AGFG2: variants seen among roughly 807,000 people sequenced by gnomAD.
The protein encoded by AGFG2 is ArfGAP with FG repeats 2.
In AGFG2, 31 loss-of-function variants were observed where a neutral mutation model predicts 48.0. The observed-to-expected ratio is 0.65, with a 90% CI of 0.49 to 0.87. AGFG2 has a LOEUF of 0.87. Among genes scored for constraint, AGFG2 ranks in the 40% least tolerant of loss-of-function variants. The pLI is 0.00. For missense variants in AGFG2, 599 were observed against 632.6 expected, an observed-to-expected ratio of 0.95 and a Z score of 0.57; for synonymous variants, 229 against 260.8, an observed-to-expected ratio of 0.88 and a Z score of 1.18.
At chr7:100,541,501 C>CGGT (rs1438652864) in intron 1 of AGFG2, among the ~76,000 whole-genome samples, 1 of 151,900 alleles carries the variant, frequency 6.6e-6, no homozygotes, top group Non-Finnish European at 1.5e-5. Flanking sequence ...GGGTCGGGCT[C>CGGT]GGTGGCTCAG....
chr7:100,565,093 A>T lies in AGFG2; in HGVS notation c.*102A>T. 7.5e-7 allele frequency: 1 copy of T among 1,329,448 alleles called. No homozygotes were observed. 82.4% of individuals were successfully genotyped at this position (1,329,448 alleles called of 1,614,324 possible). A position where few individuals can be genotyped will look rare whatever the true frequency, so the allele number is the denominator to read the frequency against. ...GTGGGCATTTCTATGGGCCTTGGGGATGGTGGAGGTGCTAATGCTTTGCTT... is the reference window on the plus strand; with the variant it reads ...GTGGGCATTTCTATGGGCCTTGGGGTTGGTGGAGGTGCTAATGCTTTGCTT... On this transcript the variant is annotated 3_prime_UTR_variant, in exon 12 of 12. Coordinates refer to ENST00000300176, the MANE Select transcript of AGFG2 (RefSeq NM_006076.5).
intron 4 of AGFG2, 90 bp from the exon 5 acceptor site, chr7:100,554,003 C>T: frequency 6.8e-7 from 1 of 1,469,724 alleles, no homozygotes. Flanking sequence ...CTCTCTCTAC[C>T]TGCCTATCTG....
At chr7:100,546,764 A>T (rs771849438) in intron 1 of AGFG2, among the ~76,000 whole-genome samples, 2 of 152,202 alleles carry the variant, frequency 1.3e-5, no homozygotes, top group Non-Finnish European at 2.9e-5. Context: ...GTCTAAAAGC[A>T]GGCTGGCTAG....
chr7:100,560,978 ATTT>A (rs1167654964), intron 6 of AGFG2, among the ~76,000 whole-genome samples: 2 of 135,722 alleles, frequency 1.5e-5, no homozygotes, highest in Non-Finnish European at 1.6e-5. Context: ...TGCCTGGCTA[ATTT>A]TTTTTTTTTT....
intron 1 of AGFG2, among the ~76,000 whole-genome samples, chr7:100,547,204 G>A (rs1800529199): frequency 7.5e-6 from 1 of 134,182 alleles, no homozygotes; most frequent in Non-Finnish European, 1.5e-5. Context: ...ACACCTCGCT[G>A]CTGTTCTCCC....
intron 5 of AGFG2, among the ~76,000 whole-genome samples, chr7:100,555,262 G>GTTTTTT: frequency 7.8e-6 from 1 of 127,884 alleles, no homozygotes. Context: ...GTGTGTGTGT[G>GTTTTTT]GTTTTTTTTT....
At chr7:100,553,256 A>AT (rs1800685748) in intron 3 of AGFG2, 91 bp from the exon 4 acceptor site, 25 of 1,494,276 alleles carry the variant, frequency 1.7e-5, no homozygotes, top group Non-Finnish European at 2.3e-5. Context: ...ATGAGCATAG[A>AT]TTTTGACTCC....
chr7:100,548,880 C>T lies in AGFG2; in HGVS notation c.280C>T (p.Pro94Ser), dbSNP rs184828001. Residue 94 changes from proline to serine, a missense_variant, in exon 2 of 12, where the codon CCT becomes TCT. Coordinates refer to ENST00000300176, the MANE Select transcript of AGFG2 (RefSeq NM_006076.5). ...AATCTCCATGACAACTTTCACTGAG[C>T]CTGAAGTAGTATTCCTGCAATCCCG... is the stretch of plus-strand genomic sequence containing the variant. ...KSISMTTFTE[P>S]EVVFLQSRGN... 3.0e-5 allele frequency: 48 copies of T among 1,613,734 alleles called. No individual in the cohort carries two copies. The Admixed American group carries it at 7.7e-4, about 26-fold the overall frequency.
intron 1 of AGFG2, among the ~76,000 whole-genome samples, chr7:100,547,612 A>G (rs1344169797): frequency 6.6e-6 from 1 of 152,140 alleles, no homozygotes; most frequent in Non-Finnish European, 1.5e-5. Context: ...AGTTTCCTGT[A>G]TTAGAACACT....
At position 100,562,360 on chromosome 7, in the gene AGFG2, G is replaced by A. The variant is rs778865607; in HGVS notation, c.979G>A (p.Ala327Thr). Reference protein sequence around the residue: ...VGSFLGPGVPAAGVPSSLFGM... With the variant: ...VGSFLGPGVPTAGVPSSLFGM... ...CAGCTTCCTGGGACCCGGGGTGCCC[G>A]CTGCAGGTGTTCCTAGCAGGTAGGT... Residue 327 changes from alanine to threonine, a missense_variant, in exon 7 of 12, where the codon GCT (alanine) becomes ACT (threonine). Ala to Thr is a moderately conservative substitution (Grantham distance 58, BLOSUM62 0). Transcript: ENST00000300176. The surrounding 1 kb of genome is among the most constrained non-coding windows in gnomAD (Gnocchi z 5.4). The A allele has an allele frequency of 3.1e-6, 5 of 1,613,782 alleles. No homozygotes were observed. Among genetic ancestry groups the A allele is most frequent in the South Asian group, 2.2e-5 (2 of 91,072 alleles).
intron 3 of AGFG2, among the ~76,000 whole-genome samples, chr7:100,550,811 T>C (rs1476809734): frequency 6.6e-6 from 1 of 151,188 alleles, no homozygotes; most frequent in Non-Finnish European, 1.5e-5. Context: ...TGGGGAGAGA[T>C]GGCTGGAAGC....
In AGFG2 at chr7:100,567,513, G is replaced by C. The variant is rs578082661; in HGVS notation, c.*2522G>C. 1.3e-5 allele frequency: 2 copies of C among 153,056 alleles called. No homozygotes were observed. The highest frequency in any genetic ancestry group is 2.9e-5 in the Non-Finnish European group (2 of 68,248). 9.5% of individuals were successfully genotyped at this position (153,056 alleles called of 1,614,324 possible). ...GCCATCCCCATGTGTGAGGAAGCAG[G>C]AGTCAGCCACCAAGTGTCTCCACAT... On this transcript the variant is annotated 3_prime_UTR_variant, in exon 12 of 12. Coordinates refer to ENST00000300176, the MANE Select transcript of AGFG2 (RefSeq NM_006076.5).
intron 1 of AGFG2, among the ~76,000 whole-genome samples, chr7:100,544,965 AG>A (rs576523106): frequency 2.7e-4 from 41 of 152,296 alleles, no homozygotes; most frequent in African/African-American, 8.9e-4. Flanking sequence ...ACCCTGGAGC[AG>A]GGTAATAGGA....
At chr7:100,556,532 A>G (rs1457906633) in intron 6 of AGFG2, 2 of 1,258,650 alleles carry the variant, frequency 1.6e-6, no homozygotes, top group East Asian at 1.1e-4. Flanking sequence ...AAAGCCAGTG[A>G]CATACACTCT....
chr7:100,542,235 C>G (rs933202720), intron 1 of AGFG2, among the ~76,000 whole-genome samples: 1 of 152,126 alleles, frequency 6.6e-6, no homozygotes, highest in Non-Finnish European at 1.5e-5. Flanking sequence ...AGGCTGGTCT[C>G]GAACTCCTGA....
chr7:100,552,463 G>A (rs1003321789), intron 3 of AGFG2, among the ~76,000 whole-genome samples: 27 of 152,176 alleles, frequency 1.8e-4, no homozygotes, highest in Non-Finnish European at 3.5e-4. Context: ...CCAGTTCCCT[G>A]AGGATACCAT....
Position 100,539,257 on chromosome 7 carries a change from G to C in AGFG2, c.-90G>C, listed in dbSNP as rs957032553. 1.6e-6 allele frequency: 2 copies of C among 1,229,330 alleles called. No individual in the cohort carries two copies. Among genetic ancestry groups the C allele is most frequent in the Non-Finnish European group, 2.1e-6 (2 of 970,630 alleles). 76.2% of individuals were successfully genotyped at this position (1,229,330 alleles called of 1,614,324 possible). ...GCCCGCTCCCGAGCTTCTGTCAGGG[G>C]AGCCGGGCGTGCGGAGGCGGCTGAG... On this transcript the variant is annotated 5_prime_UTR_variant, in exon 1 of 12. Transcript: ENST00000300176.
chr7:100,564,426 C>A, intron 11 of AGFG2, 123 bp downstream of exon 11: 1 of 1,011,054 alleles, frequency 9.9e-7, no homozygotes, highest in Non-Finnish European at 1.5e-6. Context: ...CTGCGTTGTC[C>A]AAGCCAGGGC....
chr7:100,560,778 T>C (rs577221766), intron 6 of AGFG2, among the ~76,000 whole-genome samples: 24 of 151,046 alleles, frequency 1.6e-4, no homozygotes, highest in Non-Finnish European at 3.4e-4. Context: ...CTGTTATTTA[T>C]GCATAGTGCC....
Sources: allele counts gnomAD v4.1 joint callset (sites outside exome capture counted in the v4.1 genomes callset), GRCh38; gene constraint gnomAD v4.1.1; non-coding constraint Gnocchi (gnomAD v3.1); transcripts MANE v1.5; gene names NCBI Gene and HGNC (gene_info 2026-07-23, HGNC 2026-07-21).